Variants in PLCXD2 observed in about 807,000 individuals in gnomAD.
PLCXD2 encodes the protein phosphatidylinositol specific phospholipase C X domain containing 2, also known as PI-PLC X domain-containing protein 2.
Under a neutral mutation model 28.6 loss-of-function variants are expected in PLCXD2, and 21 were observed. The observed-to-expected ratio is 0.73, with a 90% CI of 0.52 to 1.06. The LOEUF (loss-of-function observed/expected upper bound fraction) is 1.06. Among genes scored for constraint, PLCXD2 ranks in the 50% least tolerant of loss-of-function variants. The pLI is 0.00. For synonymous variants in PLCXD2, 140 were observed against 150.1 expected, an observed-to-expected ratio of 0.93 and a Z score of 0.49; for missense variants, 369 against 376.7, an observed-to-expected ratio of 0.98 and a Z score of 0.17.
intron 1 of PLCXD2, among the ~76,000 whole-genome samples, chr3:111,693,194 A>G (rs980771082): frequency 6.6e-6 from 1 of 152,234 alleles, no homozygotes; most frequent in African/African-American, 2.4e-5. Context: ...AAGGCTGCTC[A>G]GAGTTTGTGA....
At position 111,676,154 on chromosome 3, in the gene PLCXD2, G is replaced by A. The variant is rs544986412; in HGVS notation, c.163+746G>A. Among the ~76,000 whole-genome samples the A allele has an allele frequency of 3.3e-5, 5 of 152,312 alleles. No individual in the cohort carries two copies. In the South Asian group the frequency reaches 1.0e-3, roughly 32 times the overall value. ...TGTGTCCTCTTCCTTCCACTCAGAA[G>A]GTGGTTATTGTATGTTTTCTAGGGA... On this transcript the variant is annotated intron_variant, in intron 1 of 4. Coordinates refer to ENST00000477665, the MANE Select transcript of PLCXD2 (RefSeq NM_001185106.1).
chr3:111,696,528 G>T (rs1299745952), intron 1 of PLCXD2, among the ~76,000 whole-genome samples: 1 of 152,212 alleles, frequency 6.6e-6, no homozygotes, highest in African/African-American at 2.4e-5. Flanking sequence ...TGGGTAACTG[G>T]AAAGATAGCC....
intron 2 of PLCXD2, among the ~76,000 whole-genome samples, chr3:111,712,380 C>CACAGG (rs1258139879): frequency 2.0e-5 from 3 of 152,164 alleles, no homozygotes; most frequent in Non-Finnish European, 4.4e-5. Flanking sequence ...CGGTCCACTG[C>CACAGG]ACAGGACGGC....
chr3:111,723,881 C>G (rs1941380394), intron 3 of PLCXD2: 1 of 152,162 alleles, frequency 6.6e-6, no homozygotes, highest in South Asian at 2.1e-4. Context: ...TTGCTCAGAA[C>G]TAACTTCAAG....
At chr3:111,717,401 C>T (rs369654764) in intron 3 of PLCXD2, among the ~76,000 whole-genome samples, 37 of 152,288 alleles carry the variant, frequency 2.4e-4, no homozygotes, top group African/African-American at 7.7e-4. Flanking sequence ...CCTGTCAGCA[C>T]TGTCAGGTTC....
intron 1 of PLCXD2, among the ~76,000 whole-genome samples, chr3:111,695,251 TA>T (rs1176226366): frequency 6.6e-6 from 1 of 151,400 alleles, no homozygotes; most frequent in Non-Finnish European, 1.5e-5. Flanking sequence ...AATCAAATCA[TA>T]AAATCTTCTT....
At chr3:111,693,336 A>G (rs1940913778) in intron 1 of PLCXD2, among the ~76,000 whole-genome samples, 1 of 152,226 alleles carries the variant, frequency 6.6e-6, no homozygotes, top group Non-Finnish European at 1.5e-5. Flanking sequence ...ATCTGTGGCT[A>G]CGGAGGAGCA....
intron 3 of PLCXD2, chr3:111,723,004 T>C (rs1286115346): frequency 6.6e-6 from 1 of 152,206 alleles, no homozygotes; most frequent in Admixed American, 6.5e-5. Flanking sequence ...AGTAAGTAAG[T>C]GTGTTCCCTC....
intron 1 of PLCXD2, among the ~76,000 whole-genome samples, chr3:111,687,032 A>G (rs1940804820): frequency 6.6e-6 from 1 of 152,224 alleles, no homozygotes; most frequent in Non-Finnish European, 1.5e-5. Context: ...GGAAAGGATC[A>G]GGAGAGCTAG....
intron 3 of PLCXD2, among the ~76,000 whole-genome samples, chr3:111,718,041 T>C (rs1941291962): frequency 1.3e-5 from 2 of 152,146 alleles, no homozygotes; most frequent in Admixed American, 6.5e-5. Context: ...CTAAACACTT[T>C]ACATGTATTA....
At chr3:111,705,238 C>T (rs886707039) in intron 1 of PLCXD2, among the ~76,000 whole-genome samples, 3 of 152,128 alleles carry the variant, frequency 2.0e-5, no homozygotes, top group Non-Finnish European at 2.9e-5. Flanking sequence ...TTTTGAGTTC[C>T]CACATATGAG....
At chr3:111,676,963 T>C (rs1300225893) in intron 1 of PLCXD2, 1 of 152,250 alleles carries the variant, frequency 6.6e-6, no homozygotes, top group Non-Finnish European at 1.5e-5. Flanking sequence ...CCCGTGACTG[T>C]AGAAAGGAGT....
Position 111,675,404 on chromosome 3 carries a change from C to T in PLCXD2, c.159C>T (p.Ile53=). 6.2e-7 allele frequency: 1 copy of T among 1,614,102 alleles called. No individual in the cohort carries two copies. Among genetic ancestry groups the T allele is most frequent in the Non-Finnish European group, 8.5e-7 (1 of 1,179,982 alleles). ...ACCTCCCCCTTTCCAATCTGGCAAT[C>T]CCAGGTATTCGTCTATTCCTACTTG... Residue 53 remains isoleucine (I), a synonymous_variant, in exon 1 of 5, where the codon ATC becomes ATT. Transcript: ENST00000477665.
At chr3:111,715,032 T>C (rs1941250569) in intron 3 of PLCXD2, among the ~76,000 whole-genome samples, 1 of 152,148 alleles carries the variant, frequency 6.6e-6, no homozygotes. Context: ...ATTTATTTGG[T>C]CCTGAGTTTA....
At chr3:111,702,391 G>A (rs780073513) in intron 1 of PLCXD2, among the ~76,000 whole-genome samples, 2 of 152,290 alleles carry the variant, frequency 1.3e-5, no homozygotes, top group African/African-American at 2.4e-5. Flanking sequence ...AGACAAAGGC[G>A]GCAGGACTGG....
At chr3:111,725,533 G>A (rs1387112301) in intron 3 of PLCXD2, 2 of 397,566 alleles carry the variant, frequency 5.0e-6, no homozygotes, top group Non-Finnish European at 8.9e-6. Flanking sequence ...CTAGAAACAA[G>A]GACTCCAATA....
chr3:111,725,951 CGT>C (rs1941409542), intron 3 of PLCXD2: 1 of 398,242 alleles, frequency 2.5e-6, no homozygotes, highest in Admixed American at 4.4e-5. Context: ...GTGATAGGCA[CGT>C]GTGTTCAGTG....
chr3:111,694,032 C>T (rs1333399233), intron 1 of PLCXD2, among the ~76,000 whole-genome samples: 7 of 152,244 alleles, frequency 4.6e-5, no homozygotes, highest in Non-Finnish European at 7.3e-5. Flanking sequence ...ATTTACACCT[C>T]ATTTGGTAAA....
chr3:111,677,785 C>T (rs1404604937), intron 1 of PLCXD2, among the ~76,000 whole-genome samples: 2 of 152,120 alleles, frequency 1.3e-5, no homozygotes, highest in East Asian at 1.9e-4. Flanking sequence ...CCATCCTCTG[C>T]AGTGAATGAA....
Sources: gnomAD v4.1 joint callset for allele counts (sites outside exome capture counted in the v4.1 genomes callset) on GRCh38, gnomAD v4.1.1 for gene constraint, MANE v1.5 for transcripts, NCBI Gene and HGNC (gene_info 2026-07-23, HGNC 2026-07-21) for gene names.